UBE3C: variants seen among roughly 807,000 people sequenced by gnomAD.
UBE3C encodes the protein ubiquitin protein ligase E3C, also known as ubiquitin-protein ligase E3C.
Under a neutral mutation model 129.4 loss-of-function variants are expected in UBE3C, and 42 were observed. The observed-to-expected ratio is 0.32, with a 90% CI of 0.25 to 0.42. The LOEUF (loss-of-function observed/expected upper bound fraction) is 0.42. Among genes scored for constraint, UBE3C ranks in the 10% least tolerant of loss-of-function variants. The pLI is 1.00. For missense variants in UBE3C, 1,049 were observed against 1,319.1 expected (o/e 0.80, Z 3.17); for synonymous variants, 510 against 492.4 (o/e 1.04, Z -0.47).
intron 10 of UBE3C, among the ~76,000 whole-genome samples, chr7:157,189,449 A>G (rs1360952404): frequency 6.6e-6 from 1 of 152,238 alleles, no homozygotes; most frequent in Non-Finnish European, 1.5e-5. Flanking sequence ...GTATCAGACA[A>G]CTAAAATAAG....
At chr7:157,244,710 G>A (rs888065390) in intron 18 of UBE3C, among the ~76,000 whole-genome samples, 7 of 152,148 alleles carry the variant, frequency 4.6e-5, no homozygotes, top group African/African-American at 1.2e-4. Context: ...TAATTGCGTC[G>A]CGACTGCACT....
intron 5 of UBE3C, among the ~76,000 whole-genome samples, chr7:157,175,517 T>A (rs1426927442): frequency 1.3e-5 from 2 of 152,202 alleles, no homozygotes; most frequent in Non-Finnish European, 2.9e-5. Context: ...CACGTGTAAG[T>A]GATGTGAGTT....
intron 1 of UBE3C, among the ~76,000 whole-genome samples, chr7:157,143,315 C>T (rs191816357): frequency 6.6e-6 from 1 of 152,034 alleles, no homozygotes; most frequent in Admixed American, 6.5e-5. Context: ...ATTTCAAGTA[C>T]AGAAATGGAC....
chr7:157,248,873 G>A (rs1267208383), intron 19 of UBE3C, among the ~76,000 whole-genome samples: 1 of 152,150 alleles, frequency 6.6e-6, no homozygotes, highest in Non-Finnish European at 1.5e-5. Context: ...GCTCTTCCCG[G>A]TGCTGGGGGT....
Position 157,139,952 on chromosome 7 carries a change from C to T in UBE3C, c.66+614C>T, listed in dbSNP as rs939804442. 10 of 983,134 alleles carry T rather than the reference C, an allele frequency of 1.0e-5. No homozygotes were observed. The Admixed American group carries it at 3.1e-4, about 30-fold the overall frequency. 60.9% of individuals were successfully genotyped at this position (983,134 alleles called of 1,614,324 possible). ...GACGAGGGCAATTATTTGCCACCAGCCTCCTGGAAACTGTGGAGAGACTCC... is the reference window on the plus strand; with the variant it reads ...GACGAGGGCAATTATTTGCCACCAGTCTCCTGGAAACTGTGGAGAGACTCC... On this transcript the variant is annotated intron_variant, in intron 1 of 22. Transcript: ENST00000348165.
At chr7:157,205,787 T>C (rs187785202) in intron 11 of UBE3C, among the ~76,000 whole-genome samples, 186 of 152,294 alleles carry the variant, frequency 1.2e-3, no homozygotes, top group Middle Eastern at 3.4e-3. Flanking sequence ...CATGTGGACA[T>C]AGTGTATCTT....
Position 157,267,680 on chromosome 7 carries a change from G to A in UBE3C, c.3177G>A (p.Glu1059=), listed in dbSNP as rs1372768870. 6.2e-7 allele frequency: 1 copy of A among 1,613,608 alleles called. No homozygotes were observed. The highest frequency in any genetic ancestry group is 8.5e-7 in the Non-Finnish European group (1 of 1,179,858). ...STCMNLLKLP[E]FYDETLLRSK... ...GCATGAACCTGCTGAAGCTCCCCGA[G>A]TTCTATGACGAGACACTTTTGCGAA... Residue 1059 remains glutamate, a synonymous_variant, in exon 23 of 23, where the codon GAG becomes GAA. Coordinates refer to ENST00000348165, the MANE Select transcript of UBE3C (RefSeq NM_014671.3).
In UBE3C at chr7:157,230,929, AATAATG is replaced by A. The variant is rs1364832618; in HGVS notation, c.2234-145_2234-140del. On this transcript the variant is annotated intron_variant, in intron 17 of 22. Coordinates refer to ENST00000348165, the MANE Select transcript of UBE3C (RefSeq NM_014671.3). Reference sequence around the variant, plus strand: ...GACGGAGCAAGACTCTGTCTCAAAAAATAATGATAATATCATTGCTGTTTTGAGTCC... The same window carrying A: ...GACGGAGCAAGACTCTGTCTCAAAAAATAATATCATTGCTGTTTTGAGTCC... 2.5e-6 allele frequency: 3 copies of A among 1,209,052 alleles called. No homozygotes were observed. In the African/African-American group the frequency reaches 4.6e-5, roughly 18 times the overall value. 74.9% of individuals were successfully genotyped at this position (1,209,052 alleles called of 1,614,324 possible).
intron 21 of UBE3C, among the ~76,000 whole-genome samples, chr7:157,255,274 A>G (rs1015407086): frequency 2.0e-5 from 3 of 152,210 alleles, no homozygotes; most frequent in African/African-American, 4.8e-5. Flanking sequence ...TTACATCCAA[A>G]TGAGATAACC....
chr7:157,190,350 G>A (rs570896451), intron 10 of UBE3C, among the ~76,000 whole-genome samples: 4 of 151,934 alleles, frequency 2.6e-5, no homozygotes, highest in Non-Finnish European at 5.9e-5. Context: ...TGGTGAACAG[G>A]CCCGTCATCT....
chr7:157,217,321 G>C (rs1795609423), intron 14 of UBE3C: 1 of 162,424 alleles, frequency 6.2e-6, no homozygotes, highest in African/African-American at 2.4e-5. Context: ...TAATTTTTGT[G>C]ATTTTTTTTT....
chr7:157,168,574 C>T (rs552146057), intron 2 of UBE3C, among the ~76,000 whole-genome samples: 2 of 152,282 alleles, frequency 1.3e-5, no homozygotes, highest in South Asian at 2.1e-4. Flanking sequence ...AGGAATTCAA[C>T]GTGGTCCATC....
At chr7:157,165,395 GA>G in intron 2 of UBE3C, among the ~76,000 whole-genome samples, 1 of 135,082 alleles carries the variant, frequency 7.4e-6, no homozygotes. Context: ...CTTTAGCATT[GA>G]CTTTTTTTTT....
chr7:157,247,952 C>T (rs973884407), intron 18 of UBE3C, among the ~76,000 whole-genome samples: 8 of 152,242 alleles, frequency 5.3e-5, no homozygotes, highest in African/African-American at 1.7e-4. Context: ...GGTCCAATAG[C>T]TGCGAGGCGT....
intron 4 of UBE3C, among the ~76,000 whole-genome samples, chr7:157,170,935 TA>T (rs1808350755): frequency 6.6e-6 from 1 of 151,436 alleles, no homozygotes; most frequent in Admixed American, 6.6e-5. Flanking sequence ...GCCTCCCAGG[TA>T]GCTGGGACTA....
intron 1 of UBE3C, among the ~76,000 whole-genome samples, chr7:157,156,211 A>G (rs749871629): frequency 2.0e-5 from 3 of 151,706 alleles, no homozygotes; most frequent in Non-Finnish European, 2.9e-5. Flanking sequence ...AGAAAATATT[A>G]TAAGTACATG....
intron 22 of UBE3C, among the ~76,000 whole-genome samples, chr7:157,267,126 T>TA (rs1335620317): frequency 2.6e-5 from 4 of 152,202 alleles, no homozygotes; most frequent in African/African-American, 7.2e-5. Flanking sequence ...TGTAATTTTT[T>TA]AAAAAAGCAA....
intron 18 of UBE3C, 27 bp from the exon 19 acceptor site, chr7:157,248,341 T>A: frequency 6.3e-7 from 1 of 1,599,756 alleles, no homozygotes; most frequent in East Asian, 2.2e-5. Context: ...TATTCGATGC[T>A]AACGTTGTCA....
chr7:157,217,897 C>T lies in UBE3C; in HGVS notation c.1914+926C>T, dbSNP rs546971669. On this transcript the variant is annotated intron_variant, in intron 14 of 22. Coordinates refer to ENST00000348165, the MANE Select transcript of UBE3C (RefSeq NM_014671.3). The stretch of plus-strand genomic sequence containing the variant: ...ATTAGCCGGGCATGGTAAGTGTCCC[C>T]CTGTAGTCCCAGCTACTCAGGAGGC... Among the ~76,000 whole-genome samples, 29 of 152,110 alleles carry T rather than the reference C, an allele frequency of 1.9e-4. No individual in the cohort carries two copies. In the South Asian group the frequency reaches 5.4e-3, roughly 28 times the overall value.
Sources: gnomAD v4.1 joint callset for allele counts (sites outside exome capture counted in the v4.1 genomes callset) on GRCh38, gnomAD v4.1.1 for gene constraint, MANE v1.5 for transcripts, NCBI Gene and HGNC (gene_info 2026-07-23, HGNC 2026-07-21) for gene names.